GLIS3: variants seen among roughly 807,000 people sequenced by gnomAD.
GLIS3 encodes the protein zinc finger protein GLIS3.
Under a neutral mutation model 78.6 loss-of-function variants are expected in GLIS3, and 53 were observed. The observed-to-expected ratio is 0.67, with a 90% CI of 0.54 to 0.85. The LOEUF (loss-of-function observed/expected upper bound fraction) is 0.85. GLIS3 is among the 40% of genes least tolerant of loss of function. The probability of loss-of-function intolerance (pLI) is 0.00; values close to 1 mark genes in which losing one functional copy is unlikely to be tolerated. For synonymous variants in GLIS3, 684 were observed against 509.9 expected, an observed-to-expected ratio of 1.34 and a Z score of -4.60; for missense variants, 1,703 against 1,231.1, an observed-to-expected ratio of 1.38 and a Z score of -5.74.
intron 4 of GLIS3, among the ~76,000 whole-genome samples, chr9:3,941,548 C>A (rs1362507434): frequency 6.6e-6 from 1 of 152,078 alleles, no homozygotes; most frequent in Non-Finnish European, 1.5e-5. Flanking sequence ...CCTCCTGACC[C>A]ATAAAACATC....
intron 2 of GLIS3, among the ~76,000 whole-genome samples, chr9:4,235,857 A>G (rs1054875978): frequency 6.6e-6 from 1 of 152,206 alleles, no homozygotes; most frequent in Non-Finnish European, 1.5e-5. Flanking sequence ...CACAGGACTG[A>G]GTCAATCTCA....
At chr9:4,112,178 C>T (rs927312669) in intron 4 of GLIS3, among the ~76,000 whole-genome samples, 3 of 152,134 alleles carry the variant, frequency 2.0e-5, no homozygotes, top group Admixed American at 6.5e-5. Context: ...TCCCAAACTT[C>T]GACTAATAAT....
Position 4,039,614 on chromosome 9 carries a change from T to A in GLIS3, c.1710+78154A>T, listed in dbSNP as rs148975878. ...CAGGCCAGGTAAGAGAAGTGACTCG[T>A]CCAAGGAAACACCACTATTTAGTGC... On this transcript the variant is annotated intron_variant, in intron 4 of 10. Transcript: ENST00000381971. Among the ~76,000 whole-genome samples the A allele has an allele frequency of 5.3e-3, 802 of 152,300 alleles. 2 individuals carry two copies. Among genetic ancestry groups the A allele is most frequent in the Non-Finnish European group, 8.7e-3 (595 of 68,030 alleles).
At chr9:3,982,360 T>C (rs1423712943) in intron 4 of GLIS3, among the ~76,000 whole-genome samples, 5 of 152,166 alleles carry the variant, frequency 3.3e-5, no homozygotes, top group East Asian at 3.9e-4. Context: ...CTCTCCCACA[T>C]TTCCCCTACC....
At chr9:4,248,563 T>A (rs983646932) in intron 2 of GLIS3, among the ~76,000 whole-genome samples, 1 of 152,212 alleles carries the variant, frequency 6.6e-6, no homozygotes, top group Non-Finnish European at 1.5e-5. Flanking sequence ...TGTGCATGTG[T>A]CTTTGTAGTA....
At chr9:4,347,470 G>A (rs774870596) in intron 1 of GLIS3, among the ~76,000 whole-genome samples, 5 of 152,098 alleles carry the variant, frequency 3.3e-5, no homozygotes, top group African/African-American at 1.2e-4. Context: ...TACTCTCAGT[G>A]GTATGACTGT....
intron 3 of GLIS3, among the ~76,000 whole-genome samples, chr9:4,121,986 T>G (rs145307126): frequency 1.8e-4 from 28 of 152,360 alleles, no homozygotes; most frequent in African/African-American, 6.7e-4. Context: ...AATCTCCATT[T>G]CCATATGCTC....
chr9:3,880,333 G>A (rs550379313), intron 7 of GLIS3, among the ~76,000 whole-genome samples: 102 of 152,286 alleles, frequency 6.7e-4, no homozygotes, highest in Middle Eastern at 3.4e-3. Context: ...GACCTCAAAC[G>A]TGAATACGTG....
chr9:4,204,913 C>CAA (rs141036798), intron 2 of GLIS3, among the ~76,000 whole-genome samples: 43 of 149,706 alleles, frequency 2.9e-4, no homozygotes, highest in South Asian at 4.3e-4. Context: ...AGCTCCATCT[C>CAA]AAAAAAAAAG....
intron 1 of GLIS3, among the ~76,000 whole-genome samples, chr9:4,290,171 T>C (rs1482879146): frequency 6.6e-6 from 1 of 152,156 alleles, no homozygotes; most frequent in Non-Finnish European, 1.5e-5. Context: ...TCATAACTCA[T>C]CTGATGAGCC....
At chr9:3,843,707 T>C (rs868068858) in intron 9 of GLIS3, among the ~76,000 whole-genome samples, 1 of 152,224 alleles carries the variant, frequency 6.6e-6, no homozygotes, top group Admixed American at 6.5e-5. Context: ...CTCATGGGTA[T>C]TGACAAAAAT....
Position 3,937,261 on chromosome 9 carries a change from A to G in GLIS3, c.1711-72T>C, listed in dbSNP as rs576931035. 117 of 1,515,108 alleles carry G rather than the reference A, an allele frequency of 7.7e-5. 1 individual carries two copies. The African/African-American group carries it at 1.2e-3, about 16-fold the overall frequency. 93.9% of individuals were successfully genotyped at this position (1,515,108 alleles called of 1,614,324 possible). On this transcript the variant is annotated intron_variant, in intron 4 of 10. Coordinates refer to ENST00000381971, the MANE Select transcript of GLIS3 (RefSeq NM_001042413.2). ...TTTGAGTCTGGGGGACAGCTAAAAA[A>G]AAAATGTTCTTAGTTGGTACTTTGC...
the GLIS3 span, among the ~76,000 whole-genome samples, chr9:4,462,233 C>T: frequency 2.0e-5 from 3 of 152,176 alleles, no homozygotes; most frequent in Admixed American, 1.3e-4. Context: ...AATGTATGAT[C>T]TGTAAACTTT....
intron 2 of GLIS3, among the ~76,000 whole-genome samples, chr9:4,148,037 G>T (rs1249582538): frequency 6.6e-6 from 1 of 151,972 alleles, no homozygotes; most frequent in Non-Finnish European, 1.5e-5. Context: ...GAAGTGAGGT[G>T]GTTACCACTG....
At chr9:4,071,319 C>G (rs535906226) in intron 4 of GLIS3, 50 of 151,982 alleles carry the variant, frequency 3.3e-4, no homozygotes, top group African/African-American at 9.7e-4. Flanking sequence ...CTTGCAGTCT[C>G]TCTCTCTCTC....
the GLIS3 span, among the ~76,000 whole-genome samples, chr9:4,472,620 G>C: frequency 3.3e-5 from 5 of 151,482 alleles, no homozygotes; most frequent in African/African-American, 9.7e-5. Context: ...GGTGTGGGGA[G>C]GGGGGAGGGA....
chr9:4,129,287 C>G (rs762471274), intron 2 of GLIS3, among the ~76,000 whole-genome samples: 2 of 152,068 alleles, frequency 1.3e-5, no homozygotes, highest in Admixed American at 6.6e-5. Context: ...ATTTTTGTGC[C>G]GTATTTCTCC....
intron 4 of GLIS3, among the ~76,000 whole-genome samples, chr9:3,939,184 C>G (rs1826065986): frequency 6.6e-6 from 1 of 152,180 alleles, no homozygotes; most frequent in Admixed American, 6.5e-5. Context: ...ACAGTCACCT[C>G]AGATCTTGAT....
chr9:4,446,615 T>C, the GLIS3 span, among the ~76,000 whole-genome samples: 3 of 151,148 alleles, frequency 2.0e-5, no homozygotes, highest in African/African-American at 7.3e-5. Flanking sequence ...GTTCAAGTGA[T>C]TCTCCTGCCT....
Sources: gnomAD v4.1 joint callset for allele counts (sites outside exome capture counted in the v4.1 genomes callset) on GRCh38, gnomAD v4.1.1 for gene constraint, MANE v1.5 for transcripts, NCBI Gene and HGNC (gene_info 2026-07-23, HGNC 2026-07-21) for gene names.